Variants in RAB12 observed in about 807,000 individuals in gnomAD.
The protein encoded by RAB12 is RAB12, member RAS oncogene family.
A neutral mutation model predicts 28.4 loss-of-function variants in RAB12; 11 were observed. The ratio of observed to expected loss-of-function variants is 0.39; its 90% CI spans 0.24 to 0.64. RAB12 has a LOEUF of 0.64. RAB12 is among the 30% of genes least tolerant of loss of function. The probability of loss-of-function intolerance (pLI) is 0.50; values close to 1 mark genes in which losing one functional copy is unlikely to be tolerated. For missense variants in RAB12, 276 were observed against 351.1 expected (o/e 0.79, Z 1.71); for synonymous variants, 138 against 145.3 (o/e 0.95, Z 0.36).
intron 1 of RAB12, among the ~76,000 whole-genome samples, chr18:8,621,344 G>A (rs549382286): frequency 1.6e-4 from 25 of 152,278 alleles, no homozygotes; most frequent in Admixed American, 1.4e-3. Context: ...GAAATGTTTA[G>A]TCATGTACTT....
At chr18:8,611,524 G>A (rs553018986) in intron 1 of RAB12, among the ~76,000 whole-genome samples, 3 of 152,248 alleles carry the variant, frequency 2.0e-5, no homozygotes, top group African/African-American at 7.2e-5. Context: ...GGCAGCAGTG[G>A]AGCAGCCCCC....
Position 8,624,988 on chromosome 18 carries a change from T to C in RAB12, c.565T>C (p.Leu189=). 1 of 1,600,176 alleles carries C rather than the reference T, an allele frequency of 6.2e-7. No individual in the cohort carries two copies. The highest frequency in any genetic ancestry group is 1.7e-4 in the Middle Eastern group (1 of 6,038). Reference sequence around the variant, plus strand: ...AGAGCTAAGAGGAAAGAAAATTAGATTACAGATCTGGTAAGTGGGAGAGTG... The same window carrying C: ...AGAGCTAAGAGGAAAGAAAATTAGACTACAGATCTGGTAAGTGGGAGAGTG... ...TVELRGKKIR[L]QIWDTAGQER... is the part of the protein sequence containing the mutation. Residue 189 remains leucine (L), a synonymous_variant, in exon 2 of 6, where the codon TTA becomes CTA. Coordinates refer to ENST00000649141, the MANE Select transcript of RAB12 (RefSeq NM_001025300.3).
chr18:8,619,892 C>G (rs995367195), intron 1 of RAB12, among the ~76,000 whole-genome samples: 6 of 152,120 alleles, frequency 3.9e-5, no homozygotes, highest in Non-Finnish European at 8.8e-5. Flanking sequence ...TGCCTATAAA[C>G]CCAGCACTTG....
chr18:8,616,093 G>A (rs746415249), intron 1 of RAB12, among the ~76,000 whole-genome samples: 5 of 152,188 alleles, frequency 3.3e-5, no homozygotes, highest in Non-Finnish European at 7.3e-5. Context: ...TTGTACAGTA[G>A]TCATTCTACA....
At chr18:8,609,998 G>C (rs763213141) in intron 1 of RAB12, 45 bp downstream of exon 1, 1 of 1,491,138 alleles carries the variant, frequency 6.7e-7, no homozygotes, top group Non-Finnish European at 9.3e-7. Flanking sequence ...CTGGCGCCCG[G>C]GCAGGTGCCC....
At position 8,638,508 on chromosome 18, in the gene RAB12, A is replaced by G. The variant is rs1357493434; in HGVS notation, c.*246A>G. 3 of 396,838 alleles carry G rather than the reference A, an allele frequency of 7.6e-6. No homozygotes were observed. The East Asian group carries it at 1.4e-4, about 19-fold the overall frequency. 24.6% of individuals were successfully genotyped at this position (396,838 alleles called of 1,614,324 possible). The stretch of plus-strand genomic sequence containing the variant: ...CTAGTGTACATACACTGGGAAACCT[A>G]GTACTTCTAATATGAAGAATGGGAG... On this transcript the variant is annotated 3_prime_UTR_variant, in exon 6 of 6. Coordinates refer to ENST00000649141, the MANE Select transcript of RAB12 (RefSeq NM_001025300.3).
intron 1 of RAB12, among the ~76,000 whole-genome samples, chr18:8,616,997 A>G (rs2096007057): frequency 6.6e-6 from 1 of 152,180 alleles, no homozygotes; most frequent in South Asian, 2.1e-4. Context: ...ACTTGTGGAA[A>G]GAGATTTTGG....
At chr18:8,633,799 G>C (rs888309564) in intron 3 of RAB12, among the ~76,000 whole-genome samples, 1 of 152,152 alleles carries the variant, frequency 6.6e-6, no homozygotes, top group Non-Finnish European at 1.5e-5. Flanking sequence ...TTTTGAGCAA[G>C]AGGAGCTCGA....
chr18:8,618,044 A>G (rs2096007628), intron 1 of RAB12, among the ~76,000 whole-genome samples: 1 of 152,164 alleles, frequency 6.6e-6, no homozygotes, highest in South Asian at 2.1e-4. Flanking sequence ...GTACACTTCC[A>G]TGAGAGGAAC....
intron 2 of RAB12, among the ~76,000 whole-genome samples, chr18:8,628,112 C>T (rs947887608): frequency 3.3e-5 from 5 of 152,014 alleles, no homozygotes; most frequent in Non-Finnish European, 7.4e-5. Context: ...GAAATCCGCA[C>T]CTTATCATTA....
At chr18:8,626,316 T>C (rs1341396869) in intron 2 of RAB12, among the ~76,000 whole-genome samples, 2 of 152,244 alleles carry the variant, frequency 1.3e-5, no homozygotes, top group East Asian at 3.8e-4. Flanking sequence ...GGATTTGGGA[T>C]ATGCCTCTCT....
At chr18:8,612,723 T>C (rs1476531665) in intron 1 of RAB12, among the ~76,000 whole-genome samples, 1 of 152,198 alleles carries the variant, frequency 6.6e-6, no homozygotes, top group Non-Finnish European at 1.5e-5. Context: ...CAGGCTGGAG[T>C]GCAGTGGTAC....
chr18:8,633,428 T>C, intron 3 of RAB12, 101 bp downstream of exon 3: 3 of 1,352,612 alleles, frequency 2.2e-6, no homozygotes, highest in Non-Finnish European at 3.1e-6. Flanking sequence ...CATGTTTTCA[T>C]ATAGACTAAA....
At chr18:8,637,994 A>G (rs1419905214) in intron 5 of RAB12, among the ~76,000 whole-genome samples, 155 bp from the exon 6 acceptor site, 1 of 152,152 alleles carries the variant, frequency 6.6e-6, no homozygotes, top group Non-Finnish European at 1.5e-5. Context: ...GCGGAGGAGA[A>G]GGTGAGTGGG....
chr18:8,613,700 T>G (rs1325705114), intron 1 of RAB12, among the ~76,000 whole-genome samples: 1 of 152,194 alleles, frequency 6.6e-6, no homozygotes, highest in African/African-American at 2.4e-5. Context: ...CCGCCCTTGC[T>G]CCAACAGCAT....
In RAB12 at chr18:8,636,340, G is replaced by A. The variant is rs754033050; in HGVS notation, c.892G>A (p.Asp298Asn). The A allele has an allele frequency of 6.2e-6, 10 of 1,600,292 alleles. No homozygotes were observed. Among genetic ancestry groups the A allele is most frequent in the African/African-American group, 2.7e-5 (2 of 74,366 alleles). The stretch of plus-strand genomic sequence containing the variant: ...GGACGAGATATTTTTGAAACTTGTC[G>A]ATGACATTCTGAAAAAGGTAAAAAA... ...NVDEIFLKLV[D>N]DILKKMPLDI... The change falls in exon 5 of 6, where the codon GAT (aspartate) becomes AAT (asparagine). Residue 298 changes from aspartate (D) to asparagine (N), a missense_variant. By Grantham distance (23) the Asp-to-Asn change is conservative. Coordinates refer to ENST00000649141, the MANE Select transcript of RAB12 (RefSeq NM_001025300.3).
At position 8,633,873 on chromosome 18, in the gene RAB12, G is replaced by A. The variant is rs576263884; in HGVS notation, c.714+546G>A. ...TGTGTCCCTGTGGTTAATGTGAACC[G>A]TGGGTTCTCCGCTAAGAAACATGTT... is the stretch of plus-strand genomic sequence containing the variant. On this transcript the variant is annotated intron_variant, in intron 3 of 5. Coordinates refer to ENST00000649141, the MANE Select transcript of RAB12 (RefSeq NM_001025300.3). Among the ~76,000 whole-genome samples, 35 of 152,266 alleles carry A rather than the reference G, an allele frequency of 2.3e-4. No individual in the cohort carries two copies. The East Asian group carries it at 4.6e-3, about 20-fold the overall frequency.
chr18:8,612,051 G>T (rs1490960178), intron 1 of RAB12, among the ~76,000 whole-genome samples: 2 of 152,196 alleles, frequency 1.3e-5, no homozygotes, highest in Non-Finnish European at 2.9e-5. Context: ...CCACTCATCA[G>T]ATCGTTTGTT....
intron 3 of RAB12, among the ~76,000 whole-genome samples, chr18:8,633,558 C>A (rs2096017161): frequency 6.6e-6 from 1 of 152,172 alleles, no homozygotes; most frequent in African/African-American, 2.4e-5. Flanking sequence ...TGGACTGTCT[C>A]AACTACAGAG....
Sources: gnomAD v4.1 joint callset for allele counts (sites outside exome capture counted in the v4.1 genomes callset) on GRCh38, gnomAD v4.1.1 for gene constraint, MANE v1.5 for transcripts, NCBI Gene and HGNC (gene_info 2026-07-23, HGNC 2026-07-21) for gene names.